Variants in SGTA observed in about 807,000 individuals in gnomAD.
SGTA encodes small glutamine rich tetratricopeptide repeat co-chaperone alpha.
A neutral mutation model predicts 44.3 loss-of-function variants in SGTA; 22 were observed. The observed-to-expected ratio is 0.50, with a 90% CI of 0.36 to 0.71. The LOEUF (loss-of-function observed/expected upper bound fraction) is 0.71, where lower values mean the gene tolerates loss of function less well. SGTA is among the 30% of genes least tolerant of loss of function. The pLI, the probability that SGTA is intolerant of heterozygous loss-of-function variation, is 0.00. For missense variants in SGTA, 341 were observed against 435.9 expected (o/e 0.78, Z 1.94); for synonymous variants, 174 against 177.6 (o/e 0.98, Z 0.16).
In SGTA at chr19:2,765,866, CGT is replaced by C. The variant is rs978538954; in HGVS notation, c.293-583_293-582del. Among the ~76,000 whole-genome samples the C allele has an allele frequency of 5.3e-5, 8 of 152,172 alleles. No individual in the cohort carries two copies. The highest frequency in any genetic ancestry group is 1.4e-4 in the African/African-American group (6 of 41,500). Reference sequence around the variant, plus strand: ...GGCGTGGGGGGAAGATGGGTATCAGCGTGTGTTTCCCTAAACAGTTTTATTGA... The same window carrying C: ...GGCGTGGGGGGAAGATGGGTATCAGCGTGTTTCCCTAAACAGTTTTATTGA... On this transcript the variant is annotated intron_variant, in intron 4 of 11. Coordinates refer to ENST00000221566, the MANE Select transcript of SGTA (RefSeq NM_003021.4). This position sits in a 1 kb window ranked among gnomAD's most constrained non-coding sequence, Gnocchi z 5.5.
At chr19:2,764,549 C>G (rs1017136008) in intron 5 of SGTA, among the ~76,000 whole-genome samples, 8 of 151,982 alleles carry the variant, frequency 5.3e-5, no homozygotes, top group African/African-American at 1.5e-4. Flanking sequence ...AGGCACCCAC[C>G]ACCACATCCA....
chr19:2,772,193 A>G (rs906390929), intron 1 of SGTA, among the ~76,000 whole-genome samples: 6 of 152,354 alleles, frequency 3.9e-5, no homozygotes, highest in South Asian at 4.1e-4. Flanking sequence ...TTGAGATCAG[A>G]CGCTCGGATT....
In SGTA at chr19:2,761,847, G is replaced by A. The variant is rs980549271; in HGVS notation, c.637-325C>T. On this transcript the variant is annotated intron_variant, in intron 7 of 11. Transcript: ENST00000221566. This position sits in a 1 kb window ranked among gnomAD's most constrained non-coding sequence, Gnocchi z 5.7. ...TGTTTATTCCCCGCACAGCGCGACC[G>A]CCCGGGGACGGCACAGTCTATCATC... Among the ~76,000 whole-genome samples, 4 of 147,478 alleles carry A rather than the reference G, an allele frequency of 2.7e-5. No homozygotes were observed. The highest frequency in any genetic ancestry group is 1.0e-4 in the African/African-American group (4 of 39,218).
intron 1 of SGTA, among the ~76,000 whole-genome samples, chr19:2,771,781 G>T (rs966333506): frequency 6.6e-6 from 1 of 152,268 alleles, no homozygotes; most frequent in African/African-American, 2.4e-5. Context: ...GCATGGAGAG[G>T]GGTTGCTGTG....
chr19:2,757,540 C>T (rs1243551926), intron 10 of SGTA, 83 bp from the exon 11 acceptor site: 3 of 1,541,176 alleles, frequency 1.9e-6, no homozygotes, highest in African/African-American at 1.4e-5. Flanking sequence ...CCCCTCGGGC[C>T]CTCCACCCCA....
At chr19:2,771,179 A>G (rs900410400) in intron 1 of SGTA, among the ~76,000 whole-genome samples, 2 of 152,142 alleles carry the variant, frequency 1.3e-5, no homozygotes, top group Non-Finnish European at 2.9e-5. Flanking sequence ...TAATCCCAGC[A>G]CTTTGGGAGG....
At chr19:2,756,550 G>A (rs1914823381) in intron 11 of SGTA, among the ~76,000 whole-genome samples, 3 of 152,258 alleles carry the variant, frequency 2.0e-5, no homozygotes, top group Admixed American at 2.0e-4. Flanking sequence ...AAATGAAAGA[G>A]AGTGTATATG....
In SGTA at chr19:2,757,467, A is replaced by G; in HGVS notation, c.828-10T>C. Reference sequence around the variant, plus strand: ...GGCAAACTGCTGGCCCCTGCGGGGAAGGGCACATGGGGCTCAGCCAGGGCC... The same window carrying G: ...GGCAAACTGCTGGCCCCTGCGGGGAGGGGCACATGGGGCTCAGCCAGGGCC... On this transcript the variant is annotated splice_polypyrimidine_tract_variant and intron_variant, in intron 10 of 11. Coordinates refer to ENST00000221566, the MANE Select transcript of SGTA (RefSeq NM_003021.4). 6.2e-7 allele frequency: 1 copy of G among 1,606,284 alleles called. No individual in the cohort carries two copies. The highest frequency in any genetic ancestry group is 8.5e-7 in the Non-Finnish European group (1 of 1,179,718).
chr19:2,755,925 C>T lies in SGTA; in HGVS notation c.*15G>A, dbSNP rs568227450. 3.0e-5 allele frequency: 30 copies of T among 985,918 alleles called. No individual in the cohort carries two copies. The highest frequency in any genetic ancestry group is 5.2e-5 in the African/African-American group (3 of 57,348). 61.1% of individuals were successfully genotyped at this position (985,918 alleles called of 1,614,324 possible). ...CGGCCAGGGAAGGACGCGGTCACAC[C>T]GGGAGCAGCTGGAAGGGGACAGACA... On this transcript the variant is annotated 3_prime_UTR_variant, in exon 12 of 12. Coordinates refer to ENST00000221566, the MANE Select transcript of SGTA (RefSeq NM_003021.4). The surrounding 1 kb of genome is among the most constrained non-coding windows in gnomAD (Gnocchi z 5.2).
intron 1 of SGTA, among the ~76,000 whole-genome samples, chr19:2,778,502 C>CT (rs1388123888): frequency 1.3e-5 from 2 of 151,988 alleles, no homozygotes; most frequent in East Asian, 1.9e-4. Flanking sequence ...ACACCGCCCC[C>CT]CCCGGCCCCC....
chr19:2,780,323 C>A (rs1009903847), intron 1 of SGTA, among the ~76,000 whole-genome samples: 4 of 152,172 alleles, frequency 2.6e-5, no homozygotes, highest in Non-Finnish European at 4.4e-5. Context: ...GTGCCCTGCT[C>A]CTCACTCCCT....
rs1351376284 is a variant in SGTA, at chr19:2,767,938, G to T, written c.101-252C>A. Among the ~76,000 whole-genome samples, 1 of 152,184 alleles carries T rather than the reference G, an allele frequency of 6.6e-6. No individual in the cohort carries two copies. The highest frequency in any genetic ancestry group is 1.5e-5 in the Non-Finnish European group (1 of 68,022). ...GCCGTGGGCAGAGTGGAGCCCAGGTGGTGACCTCAGGCCTCTGTGGGGTCC... is the reference window on the plus strand; with the variant it reads ...GCCGTGGGCAGAGTGGAGCCCAGGTTGTGACCTCAGGCCTCTGTGGGGTCC... On this transcript the variant is annotated intron_variant, in intron 2 of 11. Transcript: ENST00000221566. This position sits in a 1 kb window ranked among gnomAD's most constrained non-coding sequence, Gnocchi z 7.3.
At chr19:2,775,708 G>A (rs1915430974) in intron 1 of SGTA, among the ~76,000 whole-genome samples, 2 of 152,158 alleles carry the variant, frequency 1.3e-5, no homozygotes, top group African/African-American at 4.8e-5. Flanking sequence ...CAGCTGGTGG[G>A]GACCAGCTTC....
rs1193097449 is a variant in SGTA at position 2,763,917 on chromosome 19, G to C, written c.393-160C>G. On this transcript the variant is annotated intron_variant, in intron 5 of 11. Transcript: ENST00000221566. This position sits in a 1 kb window ranked among gnomAD's most constrained non-coding sequence, Gnocchi z 5.8. ...TGGGGCTGATGGGGAAAGCTGAGAGGTGTGGCCACTGAGATGCTCTTAGAC... is the reference window on the plus strand; with the variant it reads ...TGGGGCTGATGGGGAAAGCTGAGAGCTGTGGCCACTGAGATGCTCTTAGAC... 6.6e-6 allele frequency among the ~76,000 whole-genome samples: 1 copy of C among 152,180 alleles called. No homozygotes were observed. The highest frequency in any genetic ancestry group is 1.5e-5 in the Non-Finnish European group (1 of 68,024).
At position 2,759,308 on chromosome 19, in the gene SGTA, C is replaced by T; in HGVS notation, c.700-14G>A. 1 of 1,613,150 alleles carries T rather than the reference C, an allele frequency of 6.2e-7. No homozygotes were observed. Among genetic ancestry groups the T allele is most frequent in the Non-Finnish European group, 8.5e-7 (1 of 1,179,224 alleles). Reference sequence around the variant, plus strand: ...TAGGTTCGAAGCCTGAAGAACAGAACAAATTTGTCAGGAAGACAAAGCTCC... The same window carrying T: ...TAGGTTCGAAGCCTGAAGAACAGAATAAATTTGTCAGGAAGACAAAGCTCC... On this transcript the variant is annotated splice_polypyrimidine_tract_variant and intron_variant, in intron 8 of 11. Transcript: ENST00000221566.
At chr19:2,777,979 T>A (rs1404007577) in intron 1 of SGTA, 1 of 143,536 alleles carries the variant, frequency 7.0e-6, no homozygotes, top group African/African-American at 2.6e-5. Flanking sequence ...ATCGCACCAC[T>A]GCACGCCAGT....
In SGTA at chr19:2,759,276, T is replaced by C; in HGVS notation, c.718A>G (p.Asn240Asp). Reference sequence around the variant, plus strand: ...ACTTACAGCTGCTGAATCTGGGGATTGTTCATTAGGTTCGAAGCCTGAAGA... The same window carrying C: ...ACTTACAGCTGCTGAATCTGGGGATCGTTCATTAGGTTCGAAGCCTGAAGA... ...FMSMASNLMN[N>D]PQIQQLMSGM... The change falls in exon 9 of 12, where the codon AAT becomes GAT. Residue 240 changes from asparagine to aspartate, a missense_variant. Physicochemically the swap from Asn to Asp is conservative, Grantham distance 23. Coordinates refer to ENST00000221566, the MANE Select transcript of SGTA (RefSeq NM_003021.4). The C allele has an allele frequency of 6.2e-7, 1 of 1,614,146 alleles. No homozygotes were observed. Among genetic ancestry groups the C allele is most frequent in the Non-Finnish European group, 8.5e-7 (1 of 1,180,000 alleles).
At chr19:2,762,117 G>A (rs1050878474) in intron 7 of SGTA, among the ~76,000 whole-genome samples, 21 of 152,114 alleles carry the variant, frequency 1.4e-4, no homozygotes, top group Non-Finnish European at 4.4e-5. Context: ...CAGGGCCACA[G>A]TCCACCTGCC....
At chr19:2,779,628 C>T (rs2144743899) in intron 1 of SGTA, among the ~76,000 whole-genome samples, 2 of 152,336 alleles carry the variant, frequency 1.3e-5, no homozygotes, top group South Asian at 4.1e-4. Flanking sequence ...GGTTTCAAGG[C>T]AGAGGCCGCA....
Sources: allele counts gnomAD v4.1 joint callset (sites outside exome capture counted in the v4.1 genomes callset), GRCh38; gene constraint gnomAD v4.1.1; non-coding constraint Gnocchi (gnomAD v3.1); transcripts MANE v1.5; gene names NCBI Gene and HGNC (gene_info 2026-07-23, HGNC 2026-07-21).